Variants in SI observed in about 807,000 individuals in gnomAD.
The protein encoded by SI is sucrase-isomaltase, intestinal.
SI carries 235 observed loss-of-function variants against 253.3 expected under a neutral mutation model. The ratio of observed to expected loss-of-function variants is 0.93; its 90% CI spans 0.83 to 1.03. The LOEUF is 1.03. SI is among the 50% of genes least tolerant of loss of function. The pLI, the probability that SI is intolerant of heterozygous loss-of-function variation, is 0.00. For missense variants in SI, 2,442 were observed against 2,211.1 expected (o/e 1.10, Z -2.09); for synonymous variants, 819 against 712.0 (o/e 1.15, Z -2.39).
At position 164,979,050 on chromosome 3, in the gene SI, A is replaced by G. The variant is rs543461379; in HGVS notation, c.*312T>C. The G allele has an allele frequency of 5.9e-5, 11 of 185,438 alleles. No homozygotes were observed. The highest frequency in any genetic ancestry group is 1.1e-4 in the Non-Finnish European group (10 of 89,786). The allele number at this position is 185,438 out of a possible 1,614,324, so 11.5% of individuals were successfully genotyped here. ...TACATAAAAATTTTATTTAATTTAAAAATCACGTTTAAATTATATCTTAGC... is the reference window on the plus strand; with the variant it reads ...TACATAAAAATTTTATTTAATTTAAGAATCACGTTTAAATTATATCTTAGC... On this transcript the variant is annotated 3_prime_UTR_variant, in exon 48 of 48. Coordinates refer to ENST00000264382, the MANE Select transcript of SI (RefSeq NM_001041.4).
chr3:165,088,627 T>C, the SI span, among the ~76,000 whole-genome samples: 1 of 151,712 alleles, frequency 6.6e-6, no homozygotes, highest in Non-Finnish European at 1.5e-5. Context: ...GGCGACAGAG[T>C]GAAGACTCTG....
At chr3:165,016,882 G>A (rs1440341155) in intron 31 of SI, among the ~76,000 whole-genome samples, 1 of 151,712 alleles carries the variant, frequency 6.6e-6, no homozygotes, top group Non-Finnish European at 1.5e-5. Flanking sequence ...TAGTTATTCA[G>A]GAACTCTATA....
chr3:165,048,124 G>A (rs546804682), intron 15 of SI, among the ~76,000 whole-genome samples: 1 of 151,944 alleles, frequency 6.6e-6, no homozygotes, highest in East Asian at 1.9e-4. Flanking sequence ...AAGAGTTCTG[G>A]TATCAGTATG....
At chr3:165,030,277 G>C (rs964804487) in intron 25 of SI, among the ~76,000 whole-genome samples, 2 of 150,788 alleles carry the variant, frequency 1.3e-5, no homozygotes, top group African/African-American at 4.8e-5. Context: ...TAACTGGCAA[G>C]AGATTATCAT....
At chr3:165,069,284 A>C in intron 3 of SI, 89 bp from the exon 4 acceptor site, 1 of 925,016 alleles carries the variant, frequency 1.1e-6, no homozygotes, top group Non-Finnish European at 1.7e-6. Flanking sequence ...ATATTTTAAA[A>C]TAATCTAACT....
rs753350555 is a variant in SI at position 165,033,429 on chromosome 3, C to T, written c.2531G>A (p.Gly844Asp). 31 of 1,546,476 alleles carry T rather than the reference C, an allele frequency of 2.0e-5. No individual in the cohort carries two copies. The East Asian group carries it at 5.2e-4, about 26-fold the overall frequency. The part of the protein sequence containing the change: ...DGETKDTIQN[G>D]NYILYTFSVS... ...TGAAAATGTATATAATATGTAGTTG[C>T]CATTTTGTATTGTATCTGAAATGAA... Residue 844 changes from glycine to aspartate, a missense_variant, in exon 23 of 48, where the codon GGC (glycine) becomes GAC (aspartate). By Grantham distance (94) the Gly-to-Asp change is moderately conservative. Transcript: ENST00000264382.
chr3:165,081,148 A>G (rs1347259687), upstream of SI, among the ~76,000 whole-genome samples: 1 of 152,074 alleles, frequency 6.6e-6, no homozygotes, highest in Non-Finnish European at 1.5e-5. Flanking sequence ...ATTCAATTAT[A>G]AGCATAAGGA....
At chr3:165,077,278 G>A (rs1042906382) in intron 1 of SI, among the ~76,000 whole-genome samples, 7 of 151,492 alleles carry the variant, frequency 4.6e-5, no homozygotes, top group Non-Finnish European at 8.9e-5. Flanking sequence ...GAATTCAAAT[G>A]CCATGGTGAG....
rs1310036972 is a variant in SI, at chr3:165,060,022, A to G, written c.1026T>C (p.Val342=). 2 of 1,611,306 alleles carry G rather than the reference A, an allele frequency of 1.2e-6. No individual in the cohort carries two copies. The highest frequency in any genetic ancestry group is 1.7e-6 in the Non-Finnish European group (2 of 1,178,260). Residue 342 remains valine (V), a synonymous_variant, in exon 10 of 48, where the codon GTT becomes GTC. Transcript: ENST00000264382. ...EQVVQQYQQL[V]GLPAMPAYWN... ...AATATGCTGGCATTGCTGGTAGTCC[A>G]ACAAGCTTAAAGTAAATGAGCATGT...
intron 24 of SI, among the ~76,000 whole-genome samples, chr3:165,031,128 A>T (rs968482521): frequency 6.7e-6 from 1 of 149,456 alleles, no homozygotes; most frequent in Non-Finnish European, 1.5e-5. Context: ...ACATAGAATT[A>T]TGTCTATAAT....
Position 165,068,798 on chromosome 3 carries a change from G to A in SI, c.407C>T (p.Pro136Leu). ...VEAKLNRIPS[P>L]TLFGNDINSV... ...GTTGATGTCATTTCCAAATAGTGTA[G>A]GTGAAGGTATCCTGTTTAATTTGGC... The change falls in exon 5 of 48, where the codon CCT becomes CTT. Residue 136 changes from proline to leucine, a missense_variant. Transcript: ENST00000264382. 6.2e-7 allele frequency: 1 copy of A among 1,613,146 alleles called. No individual in the cohort carries two copies. Among genetic ancestry groups the A allele is most frequent in the Non-Finnish European group, 8.5e-7 (1 of 1,179,642 alleles).
intron 7 of SI, among the ~76,000 whole-genome samples, chr3:165,064,372 G>A (rs1392414455): frequency 6.6e-6 from 1 of 152,038 alleles, no homozygotes; most frequent in Non-Finnish European, 1.5e-5. Context: ...TCTCACTCTG[G>A]TGTCGATTAT....
At chr3:165,011,529 A>G (rs1718766138) in intron 34 of SI, among the ~76,000 whole-genome samples, 1 of 152,008 alleles carries the variant, frequency 6.6e-6, no homozygotes, top group Admixed American at 6.6e-5. Context: ...TTAACATGTG[A>G]TCACTCTTAG....
chr3:164,992,092 C>G, intron 43 of SI, 85 bp downstream of exon 43: 1 of 1,118,544 alleles, frequency 8.9e-7, no homozygotes, highest in South Asian at 1.2e-5. Flanking sequence ...GAAAGTAAAT[C>G]CAACATACCG....
intron 25 of SI, among the ~76,000 whole-genome samples, chr3:165,024,292 A>T (rs901677125): frequency 1.3e-5 from 2 of 151,364 alleles, no homozygotes; most frequent in Non-Finnish European, 3.0e-5. Flanking sequence ...CTGGCCAAGA[A>T]TCAGAGTTGA....
upstream of SI, among the ~76,000 whole-genome samples, chr3:165,081,467 G>T (rs1479526284): frequency 6.6e-6 from 1 of 151,794 alleles, no homozygotes; most frequent in Non-Finnish European, 1.5e-5. Context: ...TCAAACATAT[G>T]GTAGTTAAAT....
chr3:165,050,834 C>T (rs943207343), intron 13 of SI, among the ~76,000 whole-genome samples: 3 of 151,930 alleles, frequency 2.0e-5, no homozygotes, highest in Non-Finnish European at 4.4e-5. Context: ...TATTTTAAGA[C>T]TCACTGCTTT....
intron 20 of SI, among the ~76,000 whole-genome samples, chr3:165,038,871 T>A (rs1329927508): frequency 6.6e-6 from 1 of 152,080 alleles, no homozygotes; most frequent in East Asian, 1.9e-4. Flanking sequence ...AACTTCATAT[T>A]TGAGTCTAGC....
rs981000416 is a variant in SI, at chr3:165,029,601, C to CATATATATGT, written c.2892+1101_2892+1110dup. Among the ~76,000 whole-genome samples, 4 of 142,890 alleles carry CATATATATGT rather than the reference C, an allele frequency of 2.8e-5. No homozygotes were observed. The Admixed American group carries it at 2.9e-4, about 10-fold the overall frequency. 93.7% of individuals were successfully genotyped at this position (142,890 alleles called of 152,430 possible). A position where few individuals can be genotyped will look rare whatever the true frequency, so the allele number is the denominator to read the frequency against. Reference sequence around the variant, plus strand: ...ATATACATATATATGTATATATATACATATATATGTATATATATGTAACAT... The same window carrying CATATATATGT: ...ATATACATATATATGTATATATATACATATATATGTATATATATGTATATATATGTAACAT... On this transcript the variant is annotated intron_variant, in intron 25 of 47. Coordinates refer to ENST00000264382, the MANE Select transcript of SI (RefSeq NM_001041.4).
Sources: gnomAD v4.1 joint callset for allele counts (sites outside exome capture counted in the v4.1 genomes callset) on GRCh38, gnomAD v4.1.1 for gene constraint, MANE v1.5 for transcripts, NCBI Gene and HGNC (gene_info 2026-07-23, HGNC 2026-07-21) for gene names.